The following KCTD1 variants were observed in gnomAD, a reference collection of about 807,000 sequenced individuals.
KCTD1 encodes potassium channel tetramerization domain containing 1, also known as BTB/POZ domain-containing protein KCTD1.
Under a neutral mutation model 66.0 loss-of-function variants are expected in KCTD1, and 24 were observed. The ratio of observed to expected loss-of-function variants is 0.36; its 90% CI spans 0.26 to 0.51. The LOEUF (loss-of-function observed/expected upper bound fraction) is 0.51, where lower values mean the gene tolerates loss of function less well. Ranked by LOEUF, KCTD1 falls within the 20% of genes least tolerant of loss-of-function variation. KCTD1 has a pLI of 0.95. For synonymous variants in KCTD1, 511 were observed against 517.2 expected, an observed-to-expected ratio of 0.99 and a Z score of 0.16; for missense variants, 943 against 1,205.2, an observed-to-expected ratio of 0.78 and a Z score of 3.22.
intron 1 of KCTD1, among the ~76,000 whole-genome samples, chr18:26,590,852 A>G (rs7231832): frequency 0.056 from 8,549 of 152,238 alleles, 297 homozygotes; most frequent in South Asian, 0.14. Context: ...TATCTCTTAC[A>G]GGGACTAATT....
intron 1 of KCTD1, among the ~76,000 whole-genome samples, chr18:26,572,305 G>C (rs1231437385): frequency 6.6e-6 from 1 of 152,136 alleles, no homozygotes; most frequent in Non-Finnish European, 1.5e-5. Flanking sequence ...TGATCCACCT[G>C]CCTTGGTCTC....
Position 26,571,039 on chromosome 18 carries a change from A to T in KCTD1, c.-16+58108T>A, listed in dbSNP as rs183821539. Among the ~76,000 whole-genome samples, 37 of 152,340 alleles carry T rather than the reference A, an allele frequency of 2.4e-4. No individual in the cohort carries two copies. The East Asian group carries it at 7.1e-3, about 29-fold the overall frequency. ...GTATTTTTATTGCTAATTATAAAAT[A>T]TTTTTACTGGTAAATAGCCATTACA... On this transcript the variant is annotated intron_variant, in intron 1 of 4. Transcript: ENST00000317932.
chr18:26,543,912 A>T (rs1281051782), intron 1 of KCTD1: 1 of 152,228 alleles, frequency 6.6e-6, no homozygotes, highest in Admixed American at 6.5e-5. Flanking sequence ...TCTGAGAATG[A>T]TAAAGAACAA....
upstream of KCTD1, among the ~76,000 whole-genome samples, chr18:26,644,540 C>T (rs962732333): frequency 6.6e-6 from 1 of 151,968 alleles, no homozygotes; most frequent in Non-Finnish European, 1.5e-5. Flanking sequence ...GGGCAGATCA[C>T]CTGAGGTCTG....
intron 1 of KCTD1, among the ~76,000 whole-genome samples, chr18:26,650,762 T>C (rs1355321139): frequency 6.6e-6 from 1 of 152,248 alleles, no homozygotes; most frequent in African/African-American, 2.4e-5. Flanking sequence ...TTCTGTTCCA[T>C]TGGCTACAAA....
intron 1 of KCTD1, among the ~76,000 whole-genome samples, chr18:26,614,643 G>A (rs1385711248): frequency 2.0e-5 from 3 of 152,184 alleles, no homozygotes; most frequent in Admixed American, 2.0e-4. Context: ...GAGACTTGGG[G>A]CCTGATCTTG....
intron 1 of KCTD1, among the ~76,000 whole-genome samples, chr18:26,515,099 T>C (rs1485483572): frequency 6.6e-6 from 1 of 152,072 alleles, no homozygotes; most frequent in African/African-American, 2.4e-5. Flanking sequence ...CCAACAAGAG[T>C]ACAAAACAAA....
intron 1 of KCTD1, among the ~76,000 whole-genome samples, chr18:26,512,659 T>C (rs2144718732): frequency 6.6e-6 from 1 of 152,270 alleles, no homozygotes; most frequent in South Asian, 2.1e-4. Flanking sequence ...GCACAGGGAA[T>C]TCCTGATGAC....
At chr18:26,595,101 G>A (rs1287285305) in intron 1 of KCTD1, among the ~76,000 whole-genome samples, 1 of 151,786 alleles carries the variant, frequency 6.6e-6, no homozygotes, top group African/African-American at 2.4e-5. Flanking sequence ...GACTCATACA[G>A]ACCCTTTTCC....
intron 1 of KCTD1, among the ~76,000 whole-genome samples, chr18:26,609,219 G>C (rs983717905): frequency 6.6e-6 from 1 of 152,114 alleles, no homozygotes; most frequent in Admixed American, 6.5e-5. Flanking sequence ...CACTTTATAT[G>C]ATACATTTAT....
At chr18:26,603,579 C>T (rs937020536) in intron 1 of KCTD1, among the ~76,000 whole-genome samples, 2 of 151,708 alleles carry the variant, frequency 1.3e-5, no homozygotes, top group Non-Finnish European at 2.9e-5. Context: ...CCCGCCTCAA[C>T]TAAAAATACA....
intron 1 of KCTD1, among the ~76,000 whole-genome samples, chr18:26,637,886 G>T (rs1376743101): frequency 1.3e-5 from 2 of 152,200 alleles, no homozygotes; most frequent in East Asian, 3.8e-4. Context: ...TGTGAGAATT[G>T]AATAAGAGGG....
chr18:26,523,056 A>C (rs1171818446), intron 1 of KCTD1, among the ~76,000 whole-genome samples: 1 of 152,208 alleles, frequency 6.6e-6, no homozygotes, highest in African/African-American at 2.4e-5. Flanking sequence ...ATATTTTTTT[A>C]AAGTTACTCA....
At chr18:26,599,932 T>C (rs1344020475) in intron 1 of KCTD1, 4 of 1,588,990 alleles carry the variant, frequency 2.5e-6, no homozygotes, top group Non-Finnish European at 2.6e-6. Flanking sequence ...GCTTAAGTTT[T>C]CCATCACCAA....
intron 1 of KCTD1, among the ~76,000 whole-genome samples, chr18:26,594,539 G>C (rs751130394): frequency 8.5e-5 from 13 of 152,138 alleles, no homozygotes; most frequent in Non-Finnish European, 1.3e-4. Context: ...GTAAACCCTA[G>C]GTGAGGGGAT....
In KCTD1 at chr18:26,548,167, T is replaced by A. The variant is rs1397439258; in HGVS notation, c.370A>T (p.Asn124Tyr). ...TCCAGCGCGGCGCTCTGGTCCATAT[T>A]GATCATATGGACCGGCTCGGGCTCC... is the stretch of plus-strand genomic sequence containing the variant. ...ELEPEPVHMI[N>Y]MDQSAALEPE... is the part of the protein sequence containing the mutation. The change falls in exon 1 of 5, where the codon AAT (asparagine) becomes TAT (tyrosine). Residue 124 changes from asparagine (N) to tyrosine (Y), a missense_variant. Coordinates refer to ENST00000580059, the MANE Select transcript of KCTD1 (RefSeq NM_001142730.3). The A allele has an allele frequency of 6.7e-7, 1 of 1,484,276 alleles. No individual in the cohort carries two copies. Among genetic ancestry groups the A allele is most frequent in the South Asian group, 1.3e-5 (1 of 76,862 alleles). The allele number at this position is 1,484,276 out of a possible 1,614,324, so 91.9% of individuals were successfully genotyped here. A position where few individuals can be genotyped will look rare whatever the true frequency, so the allele number is the denominator to read the frequency against.
At chr18:26,592,497 A>G (rs376198802) in intron 1 of KCTD1, among the ~76,000 whole-genome samples, 40 of 152,308 alleles carry the variant, frequency 2.6e-4, no homozygotes, top group African/African-American at 9.6e-4. Context: ...TCCCCACAGC[A>G]TCTGTTCAGG....
At chr18:26,501,318 C>A in intron 1 of KCTD1, 68 bp from the exon 2 acceptor site, 1 of 1,340,098 alleles carries the variant, frequency 7.5e-7, no homozygotes, top group South Asian at 1.5e-5. Context: ...ATACATATAG[C>A]ATAAAGAATA....
At chr18:26,513,308 C>T (rs1983447483) in intron 1 of KCTD1, among the ~76,000 whole-genome samples, 2 of 152,024 alleles carry the variant, frequency 1.3e-5, no homozygotes, top group Admixed American at 6.6e-5. Flanking sequence ...AGGATGGTCT[C>T]CATCTCCTGA....
Sources: gnomAD v4.1 joint callset for allele counts (sites outside exome capture counted in the v4.1 genomes callset) on GRCh38, gnomAD v4.1.1 for gene constraint, MANE v1.5 for transcripts, NCBI Gene and HGNC (gene_info 2026-07-23, HGNC 2026-07-21) for gene names.